Variants in PLCZ1 observed in about 807,000 individuals in gnomAD.
PLCZ1 encodes 1-phosphatidylinositol 4,5-bisphosphate phosphodiesterase zeta-1.
In PLCZ1, 64 loss-of-function variants were observed where a neutral mutation model predicts 76.8. The observed-to-expected ratio is 0.83, with a 90% CI of 0.68 to 1.03. PLCZ1 has a LOEUF of 1.03. Among genes scored for constraint, PLCZ1 ranks in the 50% least tolerant of loss-of-function variants. The probability of loss-of-function intolerance (pLI) is 0.00; values close to 1 mark genes in which losing one functional copy is unlikely to be tolerated. For synonymous variants in PLCZ1, 248 were observed against 230.8 expected, an observed-to-expected ratio of 1.07 and a Z score of -0.68; for missense variants, 751 against 713.7, an observed-to-expected ratio of 1.05 and a Z score of -0.60.
chr12:18,662,061 T>C, the PLCZ1 span, among the ~76,000 whole-genome samples: 22 of 152,034 alleles, frequency 1.4e-4, no homozygotes, highest in African/African-American at 4.6e-4. Context: ...CCGTATTAAG[T>C]AGGAACTAAA....
intron 9 of PLCZ1, 97 bp downstream of exon 9, chr12:18,701,404 G>C: frequency 6.3e-7 from 1 of 1,583,018 alleles, no homozygotes; most frequent in Non-Finnish European, 8.6e-7. Flanking sequence ...TTATAAGAAG[G>C]AAAATGATTT....
At chr12:18,668,002 C>T in the PLCZ1 span, among the ~76,000 whole-genome samples, 19 of 152,122 alleles carry the variant, frequency 1.2e-4, no homozygotes, top group Non-Finnish European at 2.6e-4. Flanking sequence ...AGATTTTTAC[C>T]TAAGGTCTAC....
chr12:18,735,182 A>G (rs1006802562), intron 3 of PLCZ1, among the ~76,000 whole-genome samples: 1 of 152,144 alleles, frequency 6.6e-6, no homozygotes, highest in African/African-American at 2.4e-5. Context: ...TTTTGCATCT[A>G]TGTTCATCAG....
the PLCZ1 span, among the ~76,000 whole-genome samples, chr12:18,664,340 T>C: frequency 2.0e-5 from 3 of 152,188 alleles, no homozygotes; most frequent in South Asian, 2.1e-4. Context: ...TATAGCAGCA[T>C]TGTTCTCAAT....
chr12:18,675,633 G>T, the PLCZ1 span, among the ~76,000 whole-genome samples: 2 of 152,052 alleles, frequency 1.3e-5, no homozygotes, highest in African/African-American at 4.8e-5. Flanking sequence ...GCTCATCAAT[G>T]GTTGATTGGG....
chr12:18,683,370 G>T, intron 14 of PLCZ1, 46 bp from the exon 15 acceptor site: 1 of 1,574,934 alleles, frequency 6.3e-7, no homozygotes, highest in Non-Finnish European at 8.7e-7. Flanking sequence ...CAATTAATCA[G>T]TGGTGTCTCC....
At chr12:18,675,914 A>G in the PLCZ1 span, among the ~76,000 whole-genome samples, 1 of 152,104 alleles carries the variant, frequency 6.6e-6, no homozygotes, top group Non-Finnish European at 1.5e-5. Context: ...TTTTGGGTAC[A>G]ATGTTAACTA....
At chr12:18,678,374 A>T (rs577527762), downstream of PLCZ1, among the ~76,000 whole-genome samples, 1 of 152,180 alleles carries the variant, frequency 6.6e-6, no homozygotes, top group Non-Finnish European at 1.5e-5. Context: ...GTTGAAGTTA[A>T]TAAAGCTTCA....
chr12:18,713,123 C>T, intron 5 of PLCZ1, 137 bp from the exon 6 acceptor site: 1 of 1,188,298 alleles, frequency 8.4e-7, no homozygotes. Flanking sequence ...AAAAACTTGT[C>T]TTTGGGACAA....
chr12:18,694,120 G>T (rs1238142474), intron 12 of PLCZ1: 1 of 939,142 alleles, frequency 1.1e-6, no homozygotes, highest in Non-Finnish European at 1.7e-6. Flanking sequence ...CTGCCATCAG[G>T]AAAATGGTTG....
chr12:18,677,033 G>C, the PLCZ1 span, among the ~76,000 whole-genome samples: 1 of 152,024 alleles, frequency 6.6e-6, no homozygotes, highest in Non-Finnish European at 1.5e-5. Context: ...ACAATATAAA[G>C]ATGAATGAGA....
At chr12:18,664,856 A>G in the PLCZ1 span, among the ~76,000 whole-genome samples, 1 of 151,678 alleles carries the variant, frequency 6.6e-6, no homozygotes, top group Non-Finnish European at 1.5e-5. Context: ...TGTCCTTTGT[A>G]GGGACATGGA....
chr12:18,695,551 A>G (rs1382470063), intron 11 of PLCZ1, among the ~76,000 whole-genome samples: 2 of 152,038 alleles, frequency 1.3e-5, no homozygotes, highest in African/African-American at 4.8e-5. Flanking sequence ...TAGCCTGGTA[A>G]ATAGCCACTG....
At chr12:18,676,051 A>G in the PLCZ1 span, among the ~76,000 whole-genome samples, 10 of 152,078 alleles carry the variant, frequency 6.6e-5, no homozygotes, top group Non-Finnish European at 1.0e-4. Context: ...AAATTATACC[A>G]TCAACACGAG....
intron 3 of PLCZ1, 64 bp from the exon 4 acceptor site, chr12:18,723,606 G>T: frequency 8.4e-7 from 1 of 1,189,144 alleles, no homozygotes; most frequent in Non-Finnish European, 1.2e-6. Flanking sequence ...ATGAATATTA[G>T]AGTATTTATG....
chr12:18,734,800 C>A (rs1384349350), intron 3 of PLCZ1, among the ~76,000 whole-genome samples: 2 of 152,090 alleles, frequency 1.3e-5, no homozygotes, highest in East Asian at 3.9e-4. Flanking sequence ...ATTTCCAGTA[C>A]CATCTTGAAC....
In PLCZ1 at chr12:18,684,214, G is replaced by GT. The variant is rs1565643945; in HGVS notation, c.1656dup (p.Arg553ThrfsTer5). 6.2e-7 allele frequency: 1 copy of GT among 1,611,576 alleles called. No homozygotes were observed. The highest frequency in any genetic ancestry group is 1.1e-5 in the South Asian group (1 of 91,042). ...AAACCTTGACCTTCAACAACAAAAC[G>GT]TATCAATGCCAATTCTGGGACATGA... is the stretch of plus-strand genomic sequence containing the variant. On this transcript the variant is annotated frameshift_variant, in exon 14 of 15. Transcript: ENST00000266505. LOFTEE classifies it high-confidence loss of function.
chr12:18,670,079 G>A, the PLCZ1 span, among the ~76,000 whole-genome samples: 1 of 151,986 alleles, frequency 6.6e-6, no homozygotes, highest in Admixed American at 6.6e-5. Flanking sequence ...CACCCCATTG[G>A]GAGTTAGGGC....
intron 13 of PLCZ1, chr12:18,685,635 G>GA (rs762412940): frequency 2.9e-5 from 15 of 516,568 alleles, no homozygotes; most frequent in Non-Finnish European, 5.8e-5. Flanking sequence ...GCTCATGCTG[G>GA]AATAATGACC....
Sources: allele counts gnomAD v4.1 joint callset (sites outside exome capture counted in the v4.1 genomes callset), GRCh38; gene constraint gnomAD v4.1.1; transcripts MANE v1.5; gene names NCBI Gene and HGNC (gene_info 2026-07-23, HGNC 2026-07-21).